Variants in NR3C1 observed in about 807,000 individuals in gnomAD.
NR3C1 encodes the protein glucocorticoid receptor.
In NR3C1, 14 loss-of-function variants were observed where a neutral mutation model predicts 74.0. That is an observed-to-expected ratio of 0.19 (90% CI 0.12 to 0.30). NR3C1 has a LOEUF of 0.30. NR3C1 is among the 10% of genes least tolerant of loss of function. NR3C1 has a pLI of 1.00. For missense variants in NR3C1, 695 were observed against 909.8 expected (o/e 0.76, Z 3.04); for synonymous variants, 308 against 332.5 (o/e 0.93, Z 0.80).
chr5:143,394,586 T>C (rs895915214), intron 2 of NR3C1, among the ~76,000 whole-genome samples: 1 of 151,934 alleles, frequency 6.6e-6, no homozygotes, highest in Non-Finnish European at 1.5e-5. Context: ...GCAGCTTAAA[T>C]AAAAATGAGA....
At chr5:143,402,625 G>C (rs1450499138) in intron 1 of NR3C1, 2 of 985,464 alleles carry the variant, frequency 2.0e-6, no homozygotes, top group Non-Finnish European at 2.4e-6. Flanking sequence ...TCTCCGACAC[G>C]CCCACTTCTA....
At chr5:143,299,428 G>T (rs776720392) in intron 5 of NR3C1, among the ~76,000 whole-genome samples, 24 of 152,070 alleles carry the variant, frequency 1.6e-4, no homozygotes, top group Non-Finnish European at 2.6e-4. Context: ...AAAATTCTTG[G>T]CTTGGCGGTT....
At chr5:143,322,810 A>G (rs529531472) in intron 2 of NR3C1, among the ~76,000 whole-genome samples, 4 of 152,258 alleles carry the variant, frequency 2.6e-5, no homozygotes, top group African/African-American at 9.6e-5. Context: ...TAATTCTTAG[A>G]TTCTCACATT....
chr5:143,345,792 T>C (rs1829177070), intron 2 of NR3C1, among the ~76,000 whole-genome samples: 1 of 152,364 alleles, frequency 6.6e-6, no homozygotes, highest in East Asian at 1.9e-4. Flanking sequence ...ATAGCTCACA[T>C]TTATTTCAGT....
chr5:143,294,778 T>C (rs1816789693), intron 7 of NR3C1: 1 of 279,388 alleles, frequency 3.6e-6, no homozygotes. Context: ...CTTAGTAATA[T>C]GCATTTAACG....
At position 143,300,306 on chromosome 5, in the gene NR3C1, G is replaced by GTAAA. The variant is rs1818246371; in HGVS notation, c.1747+175_1747+178dup. Among the ~76,000 whole-genome samples, 1 of 152,210 alleles carries GTAAA rather than the reference G, an allele frequency of 6.6e-6. No individual in the cohort carries two copies. Among genetic ancestry groups the GTAAA allele is most frequent in the Non-Finnish European group, 1.5e-5 (1 of 68,042 alleles). On this transcript the variant is annotated intron_variant, in intron 5 of 8. Transcript: ENST00000394464. This position sits in a 1 kb window ranked among gnomAD's most constrained non-coding sequence, Gnocchi z 5.2. The stretch of plus-strand genomic sequence containing the variant: ...AATGATTTGAAAAGCAGGGAGTAAT[G>GTAAA]TAAATGTTTTATTATAAACTCCCTA...
intron 2 of NR3C1, among the ~76,000 whole-genome samples, chr5:143,373,689 A>G (rs781076976): frequency 2.0e-5 from 3 of 148,428 alleles, no homozygotes; most frequent in Non-Finnish European, 4.4e-5. Flanking sequence ...TGTATTATTT[A>G]GGGATATGTA....
Position 143,299,100 on chromosome 5 carries a change from C to T in NR3C1, c.1748-288G>A, listed in dbSNP as rs574079340. On this transcript the variant is annotated intron_variant, in intron 5 of 8. Transcript: ENST00000394464. ...TGCCATCTCGGCTCACTGCAACCTC[C>T]GCCTCCCGGGTTCAAGTGATTCTCA... Among the ~76,000 whole-genome samples, 21 of 150,652 alleles carry T rather than the reference C, an allele frequency of 1.4e-4. No homozygotes were observed. In the South Asian group the frequency reaches 2.7e-3, roughly 20 times the overall value.
At chr5:143,298,594 C>T (rs1817809434) in intron 6 of NR3C1, 74 bp downstream of exon 6, 2 of 1,459,920 alleles carry the variant, frequency 1.4e-6, no homozygotes, top group Non-Finnish European at 1.9e-6. Flanking sequence ...ATCACAATAG[C>T]AGTCAATCAG....
intron 2 of NR3C1, among the ~76,000 whole-genome samples, chr5:143,342,900 T>A (rs1828513577): frequency 6.6e-6 from 1 of 152,146 alleles, no homozygotes; most frequent in Admixed American, 6.5e-5. Context: ...TGCTACGAGC[T>A]GGAAAGGTAA....
At chr5:143,352,273 T>C (rs948831156) in intron 2 of NR3C1, among the ~76,000 whole-genome samples, 1 of 152,156 alleles carries the variant, frequency 6.6e-6, no homozygotes, top group African/African-American at 2.4e-5. Context: ...CTAGGATTGA[T>C]CATAAGAAGA....
In NR3C1 at chr5:143,403,493, C is replaced by T; in HGVS notation, c.-296G>A. On this transcript the variant is annotated 5_prime_UTR_variant, in exon 1 of 9. Transcript: ENST00000394464. ...CCGTCCCGGTCCCAGCTGCTTCGGC[C>T]GCTCCGGCTGCGGCGTCTCCTTCCA... 1.0e-6 allele frequency: 1 copy of T among 985,374 alleles called. No homozygotes were observed. The highest frequency in any genetic ancestry group is 1.2e-6 in the Non-Finnish European group (1 of 829,970). The allele number at this position is 985,374 out of a possible 1,614,324, so 61.0% of individuals were successfully genotyped here. A position where few individuals can be genotyped will look rare whatever the true frequency, so the allele number is the denominator to read the frequency against.
upstream of NR3C1, chr5:143,403,862 G>C: frequency 1.0e-6 from 1 of 972,876 alleles, no homozygotes; most frequent in Middle Eastern, 5.3e-4. Flanking sequence ...CCGCCACCCC[G>C]GCCCCGACGG....
chr5:143,314,234 A>C, intron 2 of NR3C1, 66 bp from the exon 3 acceptor site: 1 of 1,533,596 alleles, frequency 6.5e-7, no homozygotes, highest in Non-Finnish European at 8.9e-7. Context: ...CAGTTCTCTT[A>C]GCTTCTCACT....
intron 7 of NR3C1, among the ~76,000 whole-genome samples, chr5:143,293,383 A>G (rs1158600806): frequency 2.6e-5 from 4 of 152,004 alleles, no homozygotes; most frequent in Non-Finnish European, 5.9e-5. Flanking sequence ...AGGGTTGGGG[A>G]GGGGATGAGG....
In NR3C1 at chr5:143,279,457, T is replaced by G. The variant is rs1812786709; in HGVS notation, c.*2432A>C. The G allele has an allele frequency of 6.8e-7, 1 of 1,478,842 alleles. No homozygotes were observed. Among genetic ancestry groups the G allele is most frequent in the Non-Finnish European group, 8.9e-7 (1 of 1,120,996 alleles). 91.6% of individuals were successfully genotyped at this position (1,478,842 alleles called of 1,614,324 possible). ...ACGTTTTAGAAGCTCTTTTTGAAAC[T>G]TAACACTGTCATTGATAAGAATATT... On this transcript the variant is annotated 3_prime_UTR_variant, in exon 9 of 9. Transcript: ENST00000394464.
intron 8 of NR3C1, 82 bp downstream of exon 8, chr5:143,282,486 G>C (rs1813323053): frequency 1.9e-5 from 29 of 1,530,010 alleles, no homozygotes; most frequent in Non-Finnish European, 2.2e-5. Flanking sequence ...TGGGGGCGCT[G>C]CTGGTATATA....
At position 143,403,667 on chromosome 5, in the gene NR3C1, G is replaced by A. The variant is rs1840792060; in HGVS notation, c.-470C>T. ...CCTGGGCGAGCGAGCGGGACCGAGC[G>A]GGGAGCGGGTGGAGGCGGCGCCACG... is the stretch of plus-strand genomic sequence containing the variant. On this transcript the variant is annotated 5_prime_UTR_variant, in exon 1 of 9. Transcript: ENST00000394464. The A allele has an allele frequency of 3.0e-6, 3 of 985,492 alleles. No individual in the cohort carries two copies. Among genetic ancestry groups the A allele is most frequent in the Admixed American group, 6.2e-5 (1 of 16,256 alleles). 61.0% of individuals were successfully genotyped at this position (985,492 alleles called of 1,614,324 possible). A position where few individuals can be genotyped will look rare whatever the true frequency, so the allele number is the denominator to read the frequency against.
At chr5:143,344,164 C>G (rs964607642) in intron 2 of NR3C1, among the ~76,000 whole-genome samples, 1 of 151,950 alleles carries the variant, frequency 6.6e-6, no homozygotes. Flanking sequence ...TTTGGAAAAT[C>G]TAAGCTTTAA....
Sources: allele counts gnomAD v4.1 joint callset (sites outside exome capture counted in the v4.1 genomes callset), GRCh38; gene constraint gnomAD v4.1.1; non-coding constraint Gnocchi (gnomAD v3.1); transcripts MANE v1.5; gene names NCBI Gene and HGNC (gene_info 2026-07-23, HGNC 2026-07-21).